TAF3: variants seen among roughly 807,000 people sequenced by gnomAD.
TAF3 encodes TATA-box binding protein associated factor 3, also known as transcription initiation factor TFIID subunit 3.
TAF3 carries 7 observed loss-of-function variants against 80.6 expected under a neutral mutation model. The observed-to-expected ratio is 0.09, with a 90% confidence interval of 0.05 to 0.16. TAF3 has a LOEUF of 0.16. TAF3 is among the 10% of genes least tolerant of loss of function. TAF3 has a pLI of 1.00. For missense variants in TAF3, 921 were observed against 1,140.2 expected (o/e 0.81, Z 2.77); for synonymous variants, 444 against 446.1 (o/e 1.00, Z 0.06).
chr10:7,878,801 T>C (rs1239241618), intron 2 of TAF3, among the ~76,000 whole-genome samples: 1 of 152,090 alleles, frequency 6.6e-6, no homozygotes, highest in Non-Finnish European at 1.5e-5. Flanking sequence ...TGATTGGGGC[T>C]CACTGCAACC....
intron 5 of TAF3, among the ~76,000 whole-genome samples, chr10:8,011,231 A>T (rs897085245): frequency 6.6e-6 from 1 of 152,068 alleles, no homozygotes; most frequent in African/African-American, 2.4e-5. Context: ...TATAAACTGT[A>T]CAATATTACA....
At chr10:7,935,943 G>A (rs917214655) in intron 2 of TAF3, among the ~76,000 whole-genome samples, 1 of 152,186 alleles carries the variant, frequency 6.6e-6, no homozygotes, top group African/African-American at 2.4e-5. Context: ...CCTGCGTGGA[G>A]GAGTAGAGCA....
intron 2 of TAF3, among the ~76,000 whole-genome samples, chr10:7,954,611 C>T (rs527625292): frequency 3.9e-5 from 5 of 126,724 alleles, no homozygotes; most frequent in East Asian, 2.8e-4. Context: ...ATGAATTAGT[C>T]CCAGTTAACA....
At position 8,014,758 on chromosome 10, in the gene TAF3, C is replaced by T; in HGVS notation, c.*7C>T. 6.3e-7 allele frequency: 1 copy of T among 1,578,294 alleles called. No individual in the cohort carries two copies. The highest frequency in any genetic ancestry group is 8.6e-7 in the Non-Finnish European group (1 of 1,161,896). On this transcript the variant is annotated 3_prime_UTR_variant, in exon 7 of 7. Coordinates refer to ENST00000344293, the MANE Select transcript of TAF3 (RefSeq NM_031923.4). ...GAAGCATCGAGCCCACTGACGACTC[C>T]CGAGGGGCTGGACCAAGCGGGGTCA...
chr10:7,833,101 C>G (rs1006025740), intron 2 of TAF3, among the ~76,000 whole-genome samples: 49 of 152,212 alleles, frequency 3.2e-4, no homozygotes, highest in African/African-American at 1.2e-3. Context: ...TTTATCCACT[C>G]ATCTGTTAAT....
intron 4 of TAF3, among the ~76,000 whole-genome samples, chr10:7,990,186 A>G (rs1831820791): frequency 6.6e-6 from 1 of 152,182 alleles, no homozygotes; most frequent in Non-Finnish European, 1.5e-5. Flanking sequence ...CTGTATATGA[A>G]TACGTGAGTT....
chr10:7,937,548 G>T (rs756410188), intron 2 of TAF3, among the ~76,000 whole-genome samples: 18 of 151,978 alleles, frequency 1.2e-4, no homozygotes, highest in African/African-American at 1.7e-4. Context: ...TCATTTTTTT[G>T]TTGTTGAGTT....
chr10:7,923,346 G>A (rs865791749), intron 2 of TAF3, among the ~76,000 whole-genome samples: 9 of 151,960 alleles, frequency 5.9e-5, no homozygotes, highest in African/African-American at 1.9e-4. Context: ...TGTTTTATAT[G>A]TCTGTTTATT....
intron 1 of TAF3, among the ~76,000 whole-genome samples, chr10:7,819,110 C>T (rs1268582353): frequency 5.3e-5 from 8 of 152,082 alleles, no homozygotes; most frequent in Non-Finnish European, 1.2e-4. Context: ...GTCGGGTCTT[C>T]GCTCCCAGCT....
intron 2 of TAF3, among the ~76,000 whole-genome samples, chr10:7,831,042 A>G (rs1836795041): frequency 6.6e-6 from 1 of 152,228 alleles, no homozygotes; most frequent in African/African-American, 2.4e-5. Flanking sequence ...GCTGATGCTC[A>G]GTGCCTAGAT....
chr10:7,954,437 A>G (rs1163168686), intron 2 of TAF3, among the ~76,000 whole-genome samples: 1 of 121,484 alleles, frequency 8.2e-6, no homozygotes, highest in East Asian at 3.2e-4. Flanking sequence ...CCATAGTGAG[A>G]TTTAGAGTGC....
chr10:7,923,138 C>G (rs1369114670), intron 2 of TAF3, among the ~76,000 whole-genome samples: 1 of 152,058 alleles, frequency 6.6e-6, no homozygotes, highest in Non-Finnish European at 1.5e-5. Context: ...TATGACAGAA[C>G]TCTCCAATAG....
intron 2 of TAF3, among the ~76,000 whole-genome samples, chr10:7,921,022 G>A (rs893027690): frequency 6.6e-6 from 1 of 152,028 alleles, no homozygotes; most frequent in African/African-American, 2.4e-5. Flanking sequence ...AGGGAAGTTG[G>A]AATCCCTAGA....
At chr10:7,871,703 CA>C (rs751752004) in intron 2 of TAF3, among the ~76,000 whole-genome samples, 1 of 152,010 alleles carries the variant, frequency 6.6e-6, no homozygotes, top group Non-Finnish European at 1.5e-5. Flanking sequence ...CTCAGCCTCC[CA>C]AAGTGCTGGA....
chr10:7,990,130 A>G (rs1360044886), intron 4 of TAF3, among the ~76,000 whole-genome samples: 1 of 152,192 alleles, frequency 6.6e-6, no homozygotes, highest in Admixed American at 6.5e-5. Flanking sequence ...GGTTTTGAAT[A>G]TATCTCTAAT....
At position 7,968,112 on chromosome 10, in the gene TAF3, A is replaced by C. The variant is rs75295135; in HGVS notation, c.2232+2370A>C. ...CGAGAATTTTCCTACAAATCTACAG[A>C]AGTAAGGCACCAAAGGTTAAACTAA... On this transcript the variant is annotated intron_variant, in intron 3 of 6. Transcript: ENST00000344293. Among the ~76,000 whole-genome samples the C allele has an allele frequency of 8.3e-3, 1,262 of 152,274 alleles. 14 individuals are homozygous for C. The highest frequency in any genetic ancestry group is 0.027 in the African/African-American group (1,131 of 41,552).
chr10:7,823,260 A>C (rs765158121), intron 1 of TAF3, among the ~76,000 whole-genome samples: 1 of 152,092 alleles, frequency 6.6e-6, no homozygotes, highest in African/African-American at 2.4e-5. Context: ...GATTCTGCAG[A>C]TGCATCAGGG....
intron 2 of TAF3, among the ~76,000 whole-genome samples, chr10:7,904,254 A>G: frequency 6.6e-6 from 1 of 152,220 alleles, no homozygotes. Flanking sequence ...TGGCCCACAC[A>G]GTAGAGTTCC....
intron 2 of TAF3, among the ~76,000 whole-genome samples, chr10:7,889,020 C>T (rs180897735): frequency 5.9e-5 from 9 of 152,152 alleles, no homozygotes; most frequent in Admixed American, 3.3e-4. Flanking sequence ...TTTTTCTACA[C>T]GTGGGATATT....
Sources: allele counts gnomAD v4.1 joint callset (sites outside exome capture counted in the v4.1 genomes callset), GRCh38; gene constraint gnomAD v4.1.1; transcripts MANE v1.5; gene names NCBI Gene and HGNC (gene_info 2026-07-23, HGNC 2026-07-21).